Variants in ROBO1 observed in about 807,000 individuals in gnomAD.
ROBO1 encodes the protein roundabout homolog 1.
A neutral mutation model predicts 195.9 loss-of-function variants in ROBO1; 149 were observed. The observed-to-expected ratio is 0.76, with a 90% CI of 0.67 to 0.87. The LOEUF (loss-of-function observed/expected upper bound fraction) is 0.87, where lower values mean the gene tolerates loss of function less well. Ranked by LOEUF, ROBO1 falls within the 40% of genes least tolerant of loss-of-function variation. The pLI, the probability that ROBO1 is intolerant of heterozygous loss-of-function variation, is 0.00. For missense variants in ROBO1, 1,933 were observed against 2,068.3 expected (o/e 0.93, Z 1.27); for synonymous variants, 816 against 733.2 (o/e 1.11, Z -1.82).
intron 2 of ROBO1, among the ~76,000 whole-genome samples, chr3:79,209,420 T>C (rs982052682): frequency 5.3e-5 from 8 of 152,230 alleles, no homozygotes; most frequent in African/African-American, 1.9e-4. Context: ...TTCCATATTT[T>C]TGCAATTGTG....
chr3:79,436,303 A>T lies in ROBO1; in HGVS notation c.88+153521T>A, dbSNP rs116155170. ...TGTTTGCATTTCTAAAGGGTGGACA[A>T]AACCTTTTATTTTTAGCCGGCCAAT... On this transcript the variant is annotated intron_variant, in intron 2 of 30. Transcript: ENST00000464233. Among the ~76,000 whole-genome samples the T allele has an allele frequency of 4.2e-3, 637 of 152,220 alleles. 1 individual carries two copies. The highest frequency in any genetic ancestry group is 5.3e-3 in the Non-Finnish European group (363 of 67,982).
intron 2 of ROBO1, among the ~76,000 whole-genome samples, chr3:79,564,407 T>C (rs67693029): frequency 0.074 from 11,297 of 152,096 alleles, 459 homozygotes; most frequent in East Asian, 0.15. Context: ...TCTACTGCTG[T>C]GTTGTGCTAG....
chr3:78,658,279 C>T (rs982061549), intron 17 of ROBO1, among the ~76,000 whole-genome samples: 1 of 152,140 alleles, frequency 6.6e-6, no homozygotes, highest in Non-Finnish European at 1.5e-5. Flanking sequence ...TATAGAAAAA[C>T]ATGCTCATTA....
At chr3:79,645,452 T>C (rs1945791174) in intron 1 of ROBO1, among the ~76,000 whole-genome samples, 1 of 152,064 alleles carries the variant, frequency 6.6e-6, no homozygotes, top group Admixed American at 6.6e-5. Flanking sequence ...CAGTGAGCTA[T>C]GATCTTGCCA....
In ROBO1 at chr3:78,769,618, GTTT is replaced by G. The variant is rs34157314; in HGVS notation, c.500-22721_500-22719del. Reference sequence around the variant, plus strand: ...TGCTTTTTGTTGCCAGTGTACTTTGGTTTTTTTTTTTTTTTTTTTTGCTTTTTA... The same window carrying G: ...TGCTTTTTGTTGCCAGTGTACTTTGGTTTTTTTTTTTTTTTTTGCTTTTTA... On this transcript the variant is annotated intron_variant, in intron 4 of 30. Coordinates refer to ENST00000464233, the MANE Select transcript of ROBO1 (RefSeq NM_002941.4). Among the ~76,000 whole-genome samples, 229 of 84,026 alleles carry G rather than the reference GTTT, an allele frequency of 2.7e-3. 1 individual carries two copies. Among genetic ancestry groups the G allele is most frequent in the Middle Eastern group, 9.6e-3 (1 of 104 alleles). 55.1% of individuals were successfully genotyped at this position (84,026 alleles called of 152,430 possible).
At chr3:79,573,329 A>C (rs1327880584) in intron 2 of ROBO1, among the ~76,000 whole-genome samples, 2 of 152,146 alleles carry the variant, frequency 1.3e-5, no homozygotes, top group African/African-American at 2.4e-5. Flanking sequence ...GGGATGACAA[A>C]ATTTTTTTTC....
intron 2 of ROBO1, among the ~76,000 whole-genome samples, chr3:79,497,096 C>T (rs1366974320): frequency 2.0e-5 from 3 of 152,044 alleles, no homozygotes; most frequent in Admixed American, 2.0e-4. Context: ...TAAGAGAGGA[C>T]AGGCTGTAGT....
chr3:78,788,770 A>G (rs1050701556), intron 4 of ROBO1, among the ~76,000 whole-genome samples: 4 of 152,136 alleles, frequency 2.6e-5, no homozygotes, highest in African/African-American at 9.7e-5. Flanking sequence ...TCAAATTGGC[A>G]AAACTGACAC....
At chr3:79,313,730 G>A (rs1295372777) in intron 2 of ROBO1, among the ~76,000 whole-genome samples, 1 of 152,096 alleles carries the variant, frequency 6.6e-6, no homozygotes, top group Non-Finnish European at 1.5e-5. Context: ...ACATATAGGT[G>A]GGAAATAGGC....
chr3:79,714,215 G>C (rs1156704059), intron 1 of ROBO1, among the ~76,000 whole-genome samples: 2 of 152,144 alleles, frequency 1.3e-5, no homozygotes, highest in Admixed American at 6.6e-5. Context: ...CTCAAAAGAA[G>C]ACATTTATGC....
intron 1 of ROBO1, among the ~76,000 whole-genome samples, chr3:79,658,969 T>C (rs1430937608): frequency 6.6e-6 from 1 of 151,968 alleles, no homozygotes; most frequent in Non-Finnish European, 1.5e-5. Context: ...ACTCCTGACA[T>C]CGTGGTTCAC....
At chr3:79,416,327 A>T (rs2037998683) in intron 2 of ROBO1, among the ~76,000 whole-genome samples, 1 of 151,734 alleles carries the variant, frequency 6.6e-6, no homozygotes, top group Non-Finnish European at 1.5e-5. Flanking sequence ...AAAATTGGGC[A>T]GGGTGCTATG....
chr3:78,933,168 T>C (rs2039625007), intron 4 of ROBO1, among the ~76,000 whole-genome samples: 1 of 152,126 alleles, frequency 6.6e-6, no homozygotes, highest in South Asian at 2.1e-4. Flanking sequence ...GACACAGCCA[T>C]GTTCTCTAAC....
intron 1 of ROBO1, among the ~76,000 whole-genome samples, chr3:79,715,015 A>T (rs116372900): frequency 0.025 from 3,858 of 152,134 alleles, 153 homozygotes; most frequent in African/African-American, 0.087. Flanking sequence ...AAAATTTTTT[A>T]AAAAAGTGGA....
At chr3:79,387,781 A>T (rs1439819121) in intron 2 of ROBO1, among the ~76,000 whole-genome samples, 1 of 152,180 alleles carries the variant, frequency 6.6e-6, no homozygotes, top group East Asian at 1.9e-4. Context: ...TAAAAGAACC[A>T]AATGTTTGAA....
In ROBO1 at chr3:78,746,688, A is replaced by G. The variant is rs539697657; in HGVS notation, c.657+55T>C. 3.1e-6 allele frequency: 4 copies of G among 1,308,706 alleles called. No homozygotes were observed. The East Asian group carries it at 1.1e-4, about 36-fold the overall frequency. 81.1% of individuals were successfully genotyped at this position (1,308,706 alleles called of 1,614,324 possible). On this transcript the variant is annotated intron_variant, in intron 5 of 30. Coordinates refer to ENST00000464233, the MANE Select transcript of ROBO1 (RefSeq NM_002941.4). ...TCATTTTTCTCTTTTTTCTTTGGTA[A>G]AGATACACACAGTTAGACCAACAAA...
At chr3:79,732,734 C>T (rs1176945014) in intron 1 of ROBO1, among the ~76,000 whole-genome samples, 4 of 152,134 alleles carry the variant, frequency 2.6e-5, no homozygotes, top group Non-Finnish European at 5.9e-5. Flanking sequence ...TTTCTTGACA[C>T]TATGTTTTCC....
intron 1 of ROBO1, among the ~76,000 whole-genome samples, chr3:79,753,681 C>T (rs1275548013): frequency 6.6e-6 from 1 of 152,082 alleles, no homozygotes; most frequent in Non-Finnish European, 1.5e-5. Flanking sequence ...AGAGAGAATC[C>T]ACCAAATCCT....
chr3:79,148,979 T>C (rs1049498125), intron 2 of ROBO1, among the ~76,000 whole-genome samples: 4 of 151,898 alleles, frequency 2.6e-5, no homozygotes, highest in Non-Finnish European at 5.9e-5. Context: ...AAGTGAGTCA[T>C]TGTTTCCCAG....
Sources: allele counts gnomAD v4.1 joint callset (sites outside exome capture counted in the v4.1 genomes callset), GRCh38; gene constraint gnomAD v4.1.1; transcripts MANE v1.5; gene names NCBI Gene and HGNC (gene_info 2026-07-23, HGNC 2026-07-21).